The following VPS53 variants were observed in gnomAD, a reference collection of about 807,000 sequenced individuals.
The protein encoded by VPS53 is VPS53 subunit of GARP complex, also known as vacuolar protein sorting-associated protein 53 homolog.
VPS53 carries 70 observed loss-of-function variants against 107.0 expected under a neutral mutation model. The observed-to-expected ratio is 0.65, with a 90% CI of 0.54 to 0.80. The LOEUF (loss-of-function observed/expected upper bound fraction) is 0.80, where lower values mean the gene tolerates loss of function less well. Among genes scored for constraint, VPS53 ranks in the 30% least tolerant of loss-of-function variants. The pLI is 0.00. For missense variants in VPS53, 917 were observed against 1,049.4 expected (o/e 0.87, Z 1.74); for synonymous variants, 409 against 393.3 (o/e 1.04, Z -0.47).
intron 11 of VPS53, among the ~76,000 whole-genome samples, chr17:621,674 C>CT (rs1969472738): frequency 1.3e-5 from 2 of 152,074 alleles, no homozygotes; most frequent in African/African-American, 4.8e-5. Context: ...AATCGTCTGT[C>CT]TGACTCTGTA....
intron 11 of VPS53, among the ~76,000 whole-genome samples, chr17:612,717 C>T (rs1597381181): frequency 7.0e-6 from 1 of 143,096 alleles, no homozygotes. Flanking sequence ...CAAATATTCA[C>T]ATAGTTCACA....
At chr17:686,594 G>T (rs961058230) in intron 4 of VPS53, among the ~76,000 whole-genome samples, 2 of 152,164 alleles carry the variant, frequency 1.3e-5, no homozygotes, top group African/African-American at 4.8e-5. Context: ...TTTATTCACA[G>T]AGAACAGCAC....
chr17:632,268 C>T (rs1969996913), intron 7 of VPS53, among the ~76,000 whole-genome samples: 2 of 152,052 alleles, frequency 1.3e-5, no homozygotes. Flanking sequence ...CACTAACAAA[C>T]AACAACAAAT....
intron 4 of VPS53, among the ~76,000 whole-genome samples, chr17:685,515 T>C (rs906256594): frequency 6.6e-6 from 1 of 152,196 alleles, no homozygotes; most frequent in Admixed American, 6.5e-5. Flanking sequence ...CGGTGTTAGA[T>C]GATTTGCCTG....
intron 12 of VPS53, among the ~76,000 whole-genome samples, chr17:594,255 C>T (rs577778400): frequency 6.6e-6 from 1 of 152,204 alleles, no homozygotes; most frequent in Non-Finnish European, 1.5e-5. Context: ...CAGCATGGCA[C>T]ATGTATACAT....
At chr17:590,647 T>C (rs1490655845) in intron 12 of VPS53, among the ~76,000 whole-genome samples, 3 of 152,104 alleles carry the variant, frequency 2.0e-5, no homozygotes, top group Non-Finnish European at 4.4e-5. Flanking sequence ...ATGTGGTTTT[T>C]GTCTTTGGTT....
chr17:518,930 G>T lies in VPS53; in HGVS notation c.*198C>A. On this transcript the variant is annotated 3_prime_UTR_variant, in exon 22 of 22. Transcript: ENST00000437048. ...AGATCACCTAAATCGCCCTCTTAGA[G>T]CCCAGCCCTTACTCAGCGTCTCCGA... 1 of 566,242 alleles carries T rather than the reference G, an allele frequency of 1.8e-6. No individual in the cohort carries two copies. The highest frequency in any genetic ancestry group is 2.9e-6 in the Non-Finnish European group (1 of 343,850). The allele number at this position is 566,242 out of a possible 1,614,324, so 35.1% of individuals were successfully genotyped here.
chr17:673,108 T>A (rs1256927541), intron 4 of VPS53, among the ~76,000 whole-genome samples: 2 of 136,812 alleles, frequency 1.5e-5, no homozygotes, highest in Non-Finnish European at 3.2e-5. Flanking sequence ...CAAGATTCCG[T>A]CGCAAAAAAA....
chr17:516,282 G>C lies in VPS53; in HGVS notation c.*2846C>G, dbSNP rs1383789673. The C allele has an allele frequency of 6.6e-6, 1 of 152,080 alleles. No homozygotes were observed. Among genetic ancestry groups the C allele is most frequent in the Non-Finnish European group, 1.5e-5 (1 of 68,012 alleles). The allele number at this position is 152,080 out of a possible 1,614,324, so 9.4% of individuals were successfully genotyped here. The stretch of plus-strand genomic sequence containing the variant: ...CTCTGTTGCAGTGGTTCTTAACAAG[G>C]TGTAAACGTTATAACTACCTATGGA... On this transcript the variant is annotated 3_prime_UTR_variant, in exon 22 of 22. Coordinates refer to ENST00000437048, the MANE Select transcript of VPS53 (RefSeq NM_001128159.3).
At chr17:543,927 AAGGG>A (rs1442291301) in intron 17 of VPS53, among the ~76,000 whole-genome samples, 5 of 90,978 alleles carry the variant, frequency 5.5e-5, no homozygotes, top group Non-Finnish European at 1.1e-4. Context: ...GGGACAGGGG[AAGGG>A]AGGGAGAGAG....
chr17:560,222 G>A (rs1222566652), intron 15 of VPS53, among the ~76,000 whole-genome samples: 1 of 152,240 alleles, frequency 6.6e-6, no homozygotes, highest in African/African-American at 2.4e-5. Context: ...TTCTTGCCCA[G>A]TCTTCTTTTA....
At chr17:710,395 T>C in intron 2 of VPS53, 138 bp downstream of exon 2, 1 of 654,524 alleles carries the variant, frequency 1.5e-6, no homozygotes. Flanking sequence ...CCCCAGCTGG[T>C]GATGATGGAG....
At chr17:572,771 G>C (rs544681622) in intron 13 of VPS53, among the ~76,000 whole-genome samples, 2 of 148,614 alleles carry the variant, frequency 1.3e-5, no homozygotes, top group Non-Finnish European at 2.9e-5. Context: ...TGACCACTCA[G>C]GGTTAAATGG....
intron 2 of VPS53, among the ~76,000 whole-genome samples, chr17:703,357 T>C (rs771024503): frequency 7.5e-6 from 1 of 132,770 alleles, no homozygotes; most frequent in Admixed American, 7.8e-5. Context: ...TTTCTTACTC[T>C]AGCATCTACC....
chr17:653,246 G>A (rs758308003), intron 7 of VPS53, 45 bp downstream of exon 7: 2 of 1,594,348 alleles, frequency 1.3e-6, no homozygotes, highest in South Asian at 1.1e-5. Flanking sequence ...GAAAGCTGCC[G>A]GATCTGCGGA....
intron 4 of VPS53, among the ~76,000 whole-genome samples, chr17:678,676 G>A (rs1972262476): frequency 6.6e-6 from 1 of 150,932 alleles, no homozygotes; most frequent in Non-Finnish European, 1.5e-5. Flanking sequence ...GTCTCGCTCT[G>A]TCGCCCAGGT....
Position 547,065 on chromosome 17 carries a change from C to T in VPS53, c.1866+4807G>A, listed in dbSNP as rs905163445. On this transcript the variant is annotated intron_variant, in intron 17 of 21. Coordinates refer to ENST00000437048, the MANE Select transcript of VPS53 (RefSeq NM_001128159.3). ...CTAATTTTTGTATTTTTATTAGAGACAGGGTTTCGCCATGTTGGCCAGGCT... is the reference window on the plus strand; with the variant it reads ...CTAATTTTTGTATTTTTATTAGAGATAGGGTTTCGCCATGTTGGCCAGGCT... Among the ~76,000 whole-genome samples the T allele has an allele frequency of 8.6e-5, 13 of 151,974 alleles. 1 individual carries two copies. Among genetic ancestry groups the T allele is most frequent in the Non-Finnish European group, 1.0e-4 (7 of 67,988 alleles).
Position 519,985 on chromosome 17 carries a change from G to A in VPS53, c.2224-55C>T, listed in dbSNP as rs1597238011. 7.7e-6 allele frequency: 10 copies of A among 1,302,966 alleles called. No individual in the cohort carries two copies. The highest frequency in any genetic ancestry group is 1.1e-5 in the Non-Finnish European group (10 of 921,828). 80.7% of individuals were successfully genotyped at this position (1,302,966 alleles called of 1,614,324 possible). A position where few individuals can be genotyped will look rare whatever the true frequency, so the allele number is the denominator to read the frequency against. On this transcript the variant is annotated intron_variant, in intron 20 of 21. Coordinates refer to ENST00000437048, the MANE Select transcript of VPS53 (RefSeq NM_001128159.3). The surrounding 1 kb of genome is among the most constrained non-coding windows in gnomAD (Gnocchi z 5.0). ...CTCAGGAAAACTACCACCACGGGAG[G>A]AGACAGGAGCGGGCCCTCAAGAAAA...
At chr17:529,925 T>A (rs932494151) in intron 19 of VPS53, among the ~76,000 whole-genome samples, 6 of 151,282 alleles carry the variant, frequency 4.0e-5, no homozygotes, top group Non-Finnish European at 7.4e-5. Flanking sequence ...TAGTCCCAGA[T>A]ACTTGAGAAG....
Sources: allele counts gnomAD v4.1 joint callset (sites outside exome capture counted in the v4.1 genomes callset), GRCh38; gene constraint gnomAD v4.1.1; non-coding constraint Gnocchi (gnomAD v3.1); transcripts MANE v1.5; gene names NCBI Gene and HGNC (gene_info 2026-07-23, HGNC 2026-07-21).